NRXN3: variants seen among roughly 807,000 people sequenced by gnomAD.
NRXN3 encodes neurexin III.
In NRXN3, 32 loss-of-function variants were observed where a neutral mutation model predicts 137.6. That is an observed-to-expected ratio of 0.23 (90% CI 0.18 to 0.31). The LOEUF is 0.31. Ranked by LOEUF, NRXN3 falls within the 10% of genes least tolerant of loss-of-function variation. NRXN3 has a pLI of 1.00. For synonymous variants in NRXN3, 798 were observed against 784.5 expected (o/e 1.02, Z -0.29); for missense variants, 1,574 against 2,062.5 (o/e 0.76, Z 4.59).
intron 4 of NRXN3, among the ~76,000 whole-genome samples, chr14:78,363,116 G>C (rs1483445351): frequency 6.6e-6 from 1 of 152,190 alleles, no homozygotes; most frequent in South Asian, 2.1e-4. Flanking sequence ...TCCTGCTGCA[G>C]GCTGCCAGCT....
chr14:78,252,274 T>C (rs2068755925), intron 2 of NRXN3, among the ~76,000 whole-genome samples: 1 of 152,036 alleles, frequency 6.6e-6, no homozygotes, highest in South Asian at 2.1e-4. Flanking sequence ...ACTTTGCATC[T>C]AGTCCTAGAA....
intron 10 of NRXN3, among the ~76,000 whole-genome samples, chr14:78,921,550 G>A (rs1333250692): frequency 6.6e-6 from 1 of 152,140 alleles, no homozygotes; most frequent in Non-Finnish European, 1.5e-5. Flanking sequence ...ATCACTTTAA[G>A]TCTCATCTTT....
chr14:78,866,592 A>G (rs1253487019), intron 10 of NRXN3, among the ~76,000 whole-genome samples: 1 of 152,266 alleles, frequency 6.6e-6, no homozygotes, highest in African/African-American at 2.4e-5. Context: ...AGTAGTACAG[A>G]GAAGCTCATA....
chr14:78,380,384 G>A (rs1327133794), intron 4 of NRXN3, among the ~76,000 whole-genome samples: 2 of 149,540 alleles, frequency 1.3e-5, no homozygotes, highest in Non-Finnish European at 1.5e-5. Flanking sequence ...CTTGGAAAAA[G>A]AGTCTTTGCA....
chr14:78,616,492 T>C (rs79500072), intron 4 of NRXN3, among the ~76,000 whole-genome samples: 2 of 152,316 alleles, frequency 1.3e-5, no homozygotes, highest in Non-Finnish European at 2.9e-5. Flanking sequence ...CCTGATCTTG[T>C]CTCCACGGAG....
intron 15 of NRXN3, among the ~76,000 whole-genome samples, chr14:79,114,784 T>A (rs547020071): frequency 6.6e-6 from 1 of 152,136 alleles, no homozygotes; most frequent in Non-Finnish European, 1.5e-5. Flanking sequence ...CACCTCAGTC[T>A]CCCAAAGTGC....
intron 15 of NRXN3, among the ~76,000 whole-genome samples, chr14:79,440,199 T>G (rs1183122456): frequency 6.6e-6 from 1 of 152,204 alleles, no homozygotes; most frequent in East Asian, 1.9e-4. Flanking sequence ...AGAAGGCAGT[T>G]TGGTGTAATG....
intron 6 of NRXN3, among the ~76,000 whole-genome samples, chr14:78,658,579 G>A (rs1217242901): frequency 6.6e-6 from 1 of 152,144 alleles, no homozygotes; most frequent in African/African-American, 2.4e-5. Flanking sequence ...CTGATACTGG[G>A]TTCAGTTCTA....
At position 78,366,289 on chromosome 14, in the gene NRXN3, C is replaced by T. The variant is rs138458177; in HGVS notation, c.757+68429C>T. The stretch of plus-strand genomic sequence containing the variant: ...AGGTTACCTGGGCTAATGGTGTGTC[C>T]AACTGAGGTAGCTCTGAGAGAGCTT... On this transcript the variant is annotated intron_variant, in intron 4 of 20. Transcript: ENST00000335750. Among the ~76,000 whole-genome samples, 20 of 152,212 alleles carry T rather than the reference C, an allele frequency of 1.3e-4. No individual in the cohort carries two copies. The East Asian group carries it at 3.5e-3, about 26-fold the overall frequency.
At chr14:78,330,870 A>G (rs1194488900) in intron 4 of NRXN3, among the ~76,000 whole-genome samples, 2 of 152,228 alleles carry the variant, frequency 1.3e-5, no homozygotes, top group African/African-American at 4.8e-5. Flanking sequence ...GATAGTATAT[A>G]CAAATTTACT....
rs749808125 is a variant in NRXN3 at position 78,957,260 on chromosome 14, T to C, written c.2294T>C (p.Leu765Ser). 8 of 1,613,992 alleles carry C rather than the reference T, an allele frequency of 5.0e-6. No homozygotes were observed. The highest frequency in any genetic ancestry group is 6.8e-6 in the Non-Finnish European group (8 of 1,180,008). The change falls in exon 11 of 21, where the codon TTG becomes TCG. Residue 765 changes from leucine (L) to serine (S), a missense_variant. Physicochemically the swap from Leu to Ser is moderately radical, Grantham distance 145. Around this residue, in one of 5 missense-constraint regions of NRXN3, gnomAD observed 718 missense variants for 887.6 expected, o/e 0.81. Transcript: ENST00000335750. ...NCNSSKGPET[L>S]YAGQKLNDNE... ...TCCTTAGGCAAAGGACCAGAGACCT[T>C]GTATGCAGGGCAGAAGCTCAATGAC...
rs199892397 is a variant in NRXN3, at chr14:79,565,239, ATG to A, written c.3444+97845_3444+97846del. ...TATATGTGTGTGTATATATACATAT[ATG>A]TGTGTGTATATATACATATACACAT... is the stretch of plus-strand genomic sequence containing the variant. On this transcript the variant is annotated intron_variant, in intron 16 of 20. Coordinates refer to ENST00000335750, the MANE Select transcript of NRXN3 (RefSeq NM_001330195.2). Among the ~76,000 whole-genome samples, 677 of 109,802 alleles carry A rather than the reference ATG, an allele frequency of 6.2e-3. 5 individuals carry two copies. Among genetic ancestry groups the A allele is most frequent in the African/African-American group, 0.023 (643 of 28,512 alleles). The allele number at this position is 109,802 out of a possible 152,430, so 72.0% of individuals were successfully genotyped here.
chr14:79,348,613 G>A (rs181696155), intron 15 of NRXN3, among the ~76,000 whole-genome samples: 64 of 152,140 alleles, frequency 4.2e-4, no homozygotes, highest in African/African-American at 1.4e-3. Context: ...TCCTGACCTC[G>A]TGATCCGCCC....
chr14:79,106,083 G>T (rs945575049), intron 15 of NRXN3, among the ~76,000 whole-genome samples: 1 of 152,050 alleles, frequency 6.6e-6, no homozygotes, highest in Non-Finnish European at 1.5e-5. Flanking sequence ...AGTTTTAAAC[G>T]TTTTGAATTA....
Position 79,669,855 on chromosome 14 carries a change from A to AT in NRXN3, c.3616+5913dup, listed in dbSNP as rs1241257694. Among the ~76,000 whole-genome samples the AT allele has an allele frequency of 4.0e-5, 6 of 151,862 alleles. No homozygotes were observed. In the South Asian group the frequency reaches 6.2e-4, roughly 16 times the overall value. On this transcript the variant is annotated intron_variant, in intron 17 of 20. Transcript: ENST00000335750. ...TAAATTGAGAAACACTGGCCCAGGC[A>AT]TTTTTTTGTTTGTTTTTTGTTGTTT... is the stretch of plus-strand genomic sequence containing the variant.
chr14:78,595,527 T>C (rs562794558), intron 4 of NRXN3, among the ~76,000 whole-genome samples: 94 of 152,178 alleles, frequency 6.2e-4, no homozygotes, highest in African/African-American at 2.1e-3. Context: ...AGAGGTATCA[T>C]CCTCAGTTAT....
At chr14:79,852,890 GTTTCT>G (rs1353068912) in intron 20 of NRXN3, among the ~76,000 whole-genome samples, 3 of 151,210 alleles carry the variant, frequency 2.0e-5, no homozygotes, top group East Asian at 3.9e-4. Context: ...ATATCAATGT[GTTTCT>G]TTTAATTGCT....
intron 15 of NRXN3, among the ~76,000 whole-genome samples, chr14:79,434,709 C>A (rs538392058): frequency 6.6e-6 from 1 of 152,214 alleles, no homozygotes; most frequent in East Asian, 1.9e-4. Flanking sequence ...GGGAGGGTCC[C>A]CTGTGAAACA....
At chr14:79,777,311 T>C (rs1366290119) in intron 19 of NRXN3, among the ~76,000 whole-genome samples, 2 of 152,206 alleles carry the variant, frequency 1.3e-5, no homozygotes, top group South Asian at 2.1e-4. Context: ...ATTCGGTGTC[T>C]TTCTAAAAAG....
Sources: gnomAD v4.1 joint callset for allele counts (sites outside exome capture counted in the v4.1 genomes callset) on GRCh38, gnomAD v4.1.1 for gene constraint, gnomAD v4.1.1 regional missense constraint, MANE v1.5 for transcripts, NCBI Gene and HGNC (gene_info 2026-07-23, HGNC 2026-07-21) for gene names.